Variants in APBB2 observed in about 807,000 individuals in gnomAD.
The protein encoded by APBB2 is amyloid beta precursor protein binding family B member 2, also known as Fe65-like 1.
In APBB2, 38 loss-of-function variants were observed where a neutral mutation model predicts 82.5. The observed-to-expected ratio is 0.46, with a 90% CI of 0.36 to 0.60. The LOEUF (loss-of-function observed/expected upper bound fraction) is 0.60, where lower values mean the gene tolerates loss of function less well. Ranked by LOEUF, APBB2 falls within the 20% of genes least tolerant of loss-of-function variation. APBB2 has a pLI of 0.00. For missense variants in APBB2, 772 were observed against 972.3 expected (o/e 0.79, Z 2.74); for synonymous variants, 341 against 368.2 (o/e 0.93, Z 0.85).
intron 1 of APBB2, among the ~76,000 whole-genome samples, chr4:41,203,144 A>G (rs748423639): frequency 5.9e-5 from 9 of 152,156 alleles, no homozygotes; most frequent in Non-Finnish European, 1.2e-4. Context: ...AAAATTCAAT[A>G]AAACACCTCA....
intron 6 of APBB2, among the ~76,000 whole-genome samples, chr4:41,012,416 A>ATT (rs1183445376): frequency 6.6e-6 from 1 of 152,202 alleles, no homozygotes; most frequent in Non-Finnish European, 1.5e-5. Context: ...ACTCAGGGAC[A>ATT]TTACTGAACA....
intron 3 of APBB2, among the ~76,000 whole-genome samples, chr4:41,069,755 G>A (rs536299824): frequency 7.9e-5 from 12 of 152,318 alleles, no homozygotes; most frequent in East Asian, 1.9e-4. Flanking sequence ...ATTAAATGGT[G>A]AGAACAGAAA....
chr4:40,930,464 CGCGTGCGCGTGCGCGT>C (rs1327432754), intron 10 of APBB2, among the ~76,000 whole-genome samples: 2 of 133,018 alleles, frequency 1.5e-5, no homozygotes, highest in African/African-American at 3.5e-5. Flanking sequence ...CGCGCGCGCG[CGCGTGCGCGTGCGCGT>C]ATGCGTGTGT....
intron 6 of APBB2, among the ~76,000 whole-genome samples, chr4:40,994,530 T>C (rs1803074878): frequency 6.6e-6 from 1 of 151,674 alleles, no homozygotes; most frequent in South Asian, 2.1e-4. Flanking sequence ...TACTGTATCT[T>C]GGGCCGGGTG....
rs139625441 is a variant in APBB2 at position 40,850,784 on chromosome 4, A to T, written c.1530-20207T>A. On this transcript the variant is annotated intron_variant, in intron 12 of 17. Coordinates refer to ENST00000508593, the MANE Select transcript of APBB2 (RefSeq NM_004307.2). ...CAGTGAGACCTCAGCTCTAAAAAAA[A>T]TTTTTTTAAATAGCCAGGTGTGGTG... Among the ~76,000 whole-genome samples, 656 of 152,178 alleles carry T rather than the reference A, an allele frequency of 4.3e-3. 9 individuals are homozygous for T. Among genetic ancestry groups the T allele is most frequent in the African/African-American group, 0.015 (610 of 41,506 alleles).
At position 40,895,160 on chromosome 4, in the gene APBB2, A is replaced by G. The variant is rs75750427; in HGVS notation, c.1255-1749T>C. ...GACTGGGCACCTCGTTCCTGAGCGG[A>G]TGATCACACTTTGTCAAAGGGGAAA... On this transcript the variant is annotated intron_variant, in intron 10 of 17. Transcript: ENST00000508593. Among the ~76,000 whole-genome samples, 24 of 152,288 alleles carry G rather than the reference A, an allele frequency of 1.6e-4. 1 individual carries two copies. In the East Asian group the frequency reaches 4.6e-3, roughly 29 times the overall value.
At chr4:41,115,848 C>T (rs534698020) in intron 2 of APBB2, among the ~76,000 whole-genome samples, 2 of 152,296 alleles carry the variant, frequency 1.3e-5, no homozygotes, top group South Asian at 2.1e-4. Flanking sequence ...GAAATAGGAA[C>T]ACTATTACAC....
chr4:41,025,134 C>T (rs1713434802), intron 5 of APBB2, among the ~76,000 whole-genome samples: 2 of 152,278 alleles, frequency 1.3e-5, no homozygotes, highest in Non-Finnish European at 2.9e-5. Flanking sequence ...CATGATCTCT[C>T]CGGTCCTCCT....
At chr4:40,846,012 TGGGGTGTG>T (rs1757478308) in intron 12 of APBB2, among the ~76,000 whole-genome samples, 1 of 22,784 alleles carries the variant, frequency 4.4e-5, no homozygotes, top group Non-Finnish European at 9.4e-5. Flanking sequence ...TGGGTGTGAG[TGGGGTGTG>T]TGTGTGTGTG....
chr4:40,954,343 T>A (rs1046791314), intron 6 of APBB2, among the ~76,000 whole-genome samples: 1 of 151,980 alleles, frequency 6.6e-6, no homozygotes, highest in Non-Finnish European at 1.5e-5. Context: ...TCCCCAACAT[T>A]TGTGCACCCA....
At chr4:40,982,312 AAG>A (rs1798965550) in intron 6 of APBB2, among the ~76,000 whole-genome samples, 1 of 52,176 alleles carries the variant, frequency 1.9e-5, no homozygotes, top group South Asian at 9.7e-4. Context: ...GAAGGAAAGA[AAG>A]AAAGAAAGAA....
chr4:40,830,933 AC>A (rs1377976911), intron 12 of APBB2, among the ~76,000 whole-genome samples: 1 of 152,126 alleles, frequency 6.6e-6, no homozygotes, highest in Non-Finnish European at 1.5e-5. Flanking sequence ...CCAAAAAAAA[AC>A]AAAAAACAAA....
chr4:40,875,173 AC>A (rs1238945950), intron 12 of APBB2, among the ~76,000 whole-genome samples: 1 of 152,190 alleles, frequency 6.6e-6, no homozygotes, highest in African/African-American at 2.4e-5. Flanking sequence ...ATGTCTTTTT[AC>A]CCATCAGAAA....
At chr4:41,196,403 G>A in intron 1 of APBB2, among the ~76,000 whole-genome samples, 2 of 152,102 alleles carry the variant, frequency 1.3e-5, no homozygotes, top group African/African-American at 4.8e-5. Flanking sequence ...TGAATACATA[G>A]GTAACCTTTG....
chr4:41,103,483 T>C lies in APBB2; in HGVS notation c.-260-2733A>G, dbSNP rs115494702. ...TATAAGTAATACTCTTATAAATAAT[T>C]TTTAAAACACAATACTCAACAATGG... On this transcript the variant is annotated intron_variant, in intron 2 of 17. Transcript: ENST00000508593. Among the ~76,000 whole-genome samples, 1,259 of 152,288 alleles carry C rather than the reference T, an allele frequency of 8.3e-3. 28 individuals carry two copies. Among genetic ancestry groups the C allele is most frequent in the African/African-American group, 0.029 (1,212 of 41,574 alleles).
intron 10 of APBB2, among the ~76,000 whole-genome samples, chr4:40,923,898 G>A (rs1578465783): frequency 2.0e-5 from 3 of 152,188 alleles, no homozygotes; most frequent in African/African-American, 2.4e-5. Flanking sequence ...CCAGGAACAC[G>A]GCATTATGCT....
intron 1 of APBB2, among the ~76,000 whole-genome samples, chr4:41,148,305 A>G (rs904095942): frequency 6.6e-6 from 1 of 152,212 alleles, no homozygotes; most frequent in South Asian, 2.1e-4. Context: ...GGATGAAGAA[A>G]TTAACAGATT....
chr4:41,046,735 T>C (rs766466287), intron 4 of APBB2, among the ~76,000 whole-genome samples: 2 of 152,050 alleles, frequency 1.3e-5, no homozygotes, highest in Non-Finnish European at 2.9e-5. Flanking sequence ...CTGACACAGG[T>C]CATTTGGTAA....
intron 4 of APBB2, among the ~76,000 whole-genome samples, chr4:41,034,328 G>GT (rs1175193866): frequency 2.0e-5 from 3 of 152,072 alleles, no homozygotes; most frequent in Non-Finnish European, 2.9e-5. Flanking sequence ...GGGGTTGTTG[G>GT]TTTTTTGTTT....
Sources: gnomAD v4.1 joint callset for allele counts (sites outside exome capture counted in the v4.1 genomes callset) on GRCh38, gnomAD v4.1.1 for gene constraint, MANE v1.5 for transcripts, NCBI Gene and HGNC (gene_info 2026-07-23, HGNC 2026-07-21) for gene names.